Variants in GRM7 observed in about 807,000 individuals in gnomAD.
GRM7 encodes metabotropic glutamate receptor 7.
In GRM7, 35 loss-of-function variants were observed where a neutral mutation model predicts 84.5. The observed-to-expected ratio is 0.41, with a 90% confidence interval of 0.32 to 0.55. The LOEUF is 0.55. Ranked by LOEUF, GRM7 falls within the 20% of genes least tolerant of loss-of-function variation. GRM7 has a pLI of 0.19. For missense variants in GRM7, 1,003 were observed against 1,194.6 expected (o/e 0.84, Z 2.36); for synonymous variants, 487 against 455.1 (o/e 1.07, Z -0.89).
chr3:7,146,571 A>G lies in GRM7; in HGVS notation c.639A>G (p.Val213=). Residue 213 remains valine (V), a synonymous_variant, in exon 2 of 10, where the codon GTA becomes GTG. Transcript: ENST00000357716. Reference sequence around the variant, plus strand: ...AAGCCCAGGCCATGGTAGACATTGTAAAGGCCCTAGGCTGGAATTATGTGT... The same window carrying G: ...AAGCCCAGGCCATGGTAGACATTGTGAAGGCCCTAGGCTGGAATTATGTGT... ...SFQAQAMVDI[V]KALGWNYVST... is the part of the protein sequence containing the mutation. 4 of 1,613,914 alleles carry G rather than the reference A, an allele frequency of 2.5e-6. No individual in the cohort carries two copies. Among genetic ancestry groups the G allele is most frequent in the Non-Finnish European group, 3.4e-6 (4 of 1,179,902 alleles).
intron 2 of GRM7, among the ~76,000 whole-genome samples, chr3:7,269,960 G>A (rs6763969): frequency 6.6e-6 from 1 of 152,226 alleles, no homozygotes; most frequent in South Asian, 2.1e-4. Flanking sequence ...ATTCCTACAC[G>A]TCCTTTAGAT....
chr3:7,132,190 T>C (rs1050891572), intron 1 of GRM7, among the ~76,000 whole-genome samples: 5 of 152,160 alleles, frequency 3.3e-5, no homozygotes, highest in Admixed American at 6.5e-5. Context: ...CCCAACAATA[T>C]GGTTACTGAG....
At chr3:7,587,039 G>A (rs575619000) in intron 8 of GRM7, among the ~76,000 whole-genome samples, 1 of 152,200 alleles carries the variant, frequency 6.6e-6, no homozygotes, top group Non-Finnish European at 1.5e-5. Context: ...GGGGTAATAT[G>A]TGTTCACTCT....
chr3:7,472,461 T>C (rs1309626765), intron 7 of GRM7, among the ~76,000 whole-genome samples: 1 of 152,162 alleles, frequency 6.6e-6, no homozygotes, highest in Non-Finnish European at 1.5e-5. Context: ...GAACTCTAGA[T>C]TCAACGATAA....
chr3:7,017,643 TG>T (rs1183012280), intron 1 of GRM7, among the ~76,000 whole-genome samples: 1 of 152,204 alleles, frequency 6.6e-6, no homozygotes, highest in Non-Finnish European at 1.5e-5. Flanking sequence ...TATTATCACC[TG>T]GGAAGGTCCT....
chr3:7,627,829 C>T (rs748185501), intron 8 of GRM7, among the ~76,000 whole-genome samples: 21 of 152,214 alleles, frequency 1.4e-4, no homozygotes, highest in Non-Finnish European at 2.2e-4. Flanking sequence ...TGTGTATCTG[C>T]GTCCAAATTT....
intron 2 of GRM7, among the ~76,000 whole-genome samples, chr3:7,235,186 C>T (rs1697311210): frequency 6.6e-6 from 1 of 152,182 alleles, no homozygotes; most frequent in South Asian, 2.1e-4. Flanking sequence ...AGTGCAGGAT[C>T]TGCGAGTGCC....
intron 7 of GRM7, among the ~76,000 whole-genome samples, chr3:7,467,196 T>A (rs1200459007): frequency 6.6e-6 from 1 of 152,142 alleles, no homozygotes; most frequent in African/African-American, 2.4e-5. Flanking sequence ...CAAACGACTC[T>A]CATGCCTCAG....
chr3:7,376,816 C>A (rs760956101), intron 4 of GRM7, among the ~76,000 whole-genome samples: 1 of 152,070 alleles, frequency 6.6e-6, no homozygotes, highest in Non-Finnish European at 1.5e-5. Flanking sequence ...CCATTAGGAG[C>A]GGGAGAATTC....
intron 1 of GRM7, among the ~76,000 whole-genome samples, chr3:6,913,399 G>A (rs1696838616): frequency 6.6e-6 from 1 of 152,116 alleles, no homozygotes; most frequent in Non-Finnish European, 1.5e-5. Context: ...AAATGGGTAG[G>A]TTACCAACTT....
chr3:7,573,133 G>A (rs1162381096), intron 7 of GRM7, among the ~76,000 whole-genome samples: 1 of 151,486 alleles, frequency 6.6e-6, no homozygotes, highest in African/African-American at 2.4e-5. Flanking sequence ...CTCCTCATCA[G>A]AACCAAAACC....
chr3:7,138,458 CATAATCACTTT>C (rs1693840512), intron 1 of GRM7, among the ~76,000 whole-genome samples: 1 of 151,780 alleles, frequency 6.6e-6, no homozygotes, highest in African/African-American at 2.4e-5. Flanking sequence ...AAAATAAATA[CATAATCACTTT>C]ATAGGCATAC....
intron 9 of GRM7, among the ~76,000 whole-genome samples, chr3:7,721,939 G>A (rs981574605): frequency 6.6e-6 from 1 of 152,166 alleles, no homozygotes; most frequent in East Asian, 1.9e-4. Flanking sequence ...GTGGAACAGT[G>A]GCTAATGATG....
chr3:7,111,211 G>A (rs757485602), intron 1 of GRM7, among the ~76,000 whole-genome samples: 24 of 152,068 alleles, frequency 1.6e-4, no homozygotes, highest in Non-Finnish European at 2.8e-4. Context: ...AGCCTGCCAC[G>A]AGGATGGATT....
At chr3:7,625,187 T>C (rs1030454824) in intron 8 of GRM7, among the ~76,000 whole-genome samples, 1 of 152,100 alleles carries the variant, frequency 6.6e-6, no homozygotes, top group Non-Finnish European at 1.5e-5. Context: ...TTTAGAACAC[T>C]CTGGTAGCTG....
intron 9 of GRM7, among the ~76,000 whole-genome samples, chr3:7,690,060 C>G (rs940389405): frequency 1.3e-5 from 2 of 152,088 alleles, no homozygotes; most frequent in Non-Finnish European, 2.9e-5. Flanking sequence ...CAGCCATAAA[C>G]GGAAAGGCAC....
At chr3:6,956,222 T>C (rs1219692437) in intron 1 of GRM7, among the ~76,000 whole-genome samples, 3 of 152,210 alleles carry the variant, frequency 2.0e-5, no homozygotes, top group East Asian at 1.9e-4. Flanking sequence ...CCAACTCTCA[T>C]GCATTGCATT....
At chr3:7,266,647 G>A (rs534486128) in intron 2 of GRM7, among the ~76,000 whole-genome samples, 2 of 151,824 alleles carry the variant, frequency 1.3e-5, no homozygotes, top group South Asian at 2.1e-4. Flanking sequence ...TTTTCAACTC[G>A]GCAAAGCATT....
At chr3:7,048,180 A>G (rs576607280) in intron 1 of GRM7, among the ~76,000 whole-genome samples, 1 of 152,024 alleles carries the variant, frequency 6.6e-6, no homozygotes, top group Admixed American at 6.6e-5. Flanking sequence ...GAGATAAGCA[A>G]AGTAACAGAT....
Sources: allele counts gnomAD v4.1 joint callset (sites outside exome capture counted in the v4.1 genomes callset), GRCh38; gene constraint gnomAD v4.1.1; transcripts MANE v1.5; gene names NCBI Gene and HGNC (gene_info 2026-07-23, HGNC 2026-07-21).